BRINP3: variants seen among roughly 807,000 people sequenced by gnomAD.
BRINP3 encodes the protein BMP/retinoic acid-inducible neural-specific protein 3.
In BRINP3, 19 loss-of-function variants were observed where a neutral mutation model predicts 71.0. The ratio of observed to expected loss-of-function variants is 0.27; its 90% CI spans 0.19 to 0.39. The LOEUF is 0.39. BRINP3 is among the 10% of genes least tolerant of loss of function. The probability of loss-of-function intolerance (pLI) is 1.00; values close to 1 mark genes in which losing one functional copy is unlikely to be tolerated. For missense variants in BRINP3, 959 were observed against 940.8 expected (o/e 1.02, Z -0.25); for synonymous variants, 380 against 337.7 (o/e 1.13, Z -1.37).
intron 2 of BRINP3, among the ~76,000 whole-genome samples, chr1:190,346,258 T>G (rs1668015992): frequency 6.6e-6 from 1 of 151,890 alleles, no homozygotes; most frequent in Non-Finnish European, 1.5e-5. Flanking sequence ...CCAAAATATA[T>G]AATCAAAAAA....
chr1:190,271,346 G>A (rs183392946), intron 3 of BRINP3, among the ~76,000 whole-genome samples: 19 of 151,700 alleles, frequency 1.3e-4, no homozygotes, highest in Non-Finnish European at 1.9e-4. Context: ...TTAGGACTCA[G>A]TTTCCTTTTA....
At chr1:190,147,715 T>C (rs895201782) in intron 7 of BRINP3, among the ~76,000 whole-genome samples, 9 of 152,234 alleles carry the variant, frequency 5.9e-5, no homozygotes, top group African/African-American at 2.2e-4. Flanking sequence ...TCAGTTTCCC[T>C]CTCATGGTTA....
chr1:190,284,767 A>T (rs1305535832), intron 2 of BRINP3, among the ~76,000 whole-genome samples: 1 of 152,078 alleles, frequency 6.6e-6, no homozygotes, highest in Non-Finnish European at 1.5e-5. Context: ...TGTCATGCAA[A>T]AAACAAAAAG....
At chr1:190,474,393 A>G (rs1303143134) in intron 1 of BRINP3, 2 of 152,666 alleles carry the variant, frequency 1.3e-5, no homozygotes, top group Admixed American at 6.5e-5. Context: ...TCAAGAAAAT[A>G]CATTCATTCC....
At chr1:190,150,507 C>A (rs1656297148) in intron 7 of BRINP3, among the ~76,000 whole-genome samples, 1 of 152,132 alleles carries the variant, frequency 6.6e-6, no homozygotes, top group African/African-American at 2.4e-5. Context: ...CTGCATTGAG[C>A]AAGTTTGATT....
At chr1:190,137,025 T>A (rs1655029291) in intron 7 of BRINP3, among the ~76,000 whole-genome samples, 1 of 152,142 alleles carries the variant, frequency 6.6e-6, no homozygotes, top group Non-Finnish European at 1.5e-5. Flanking sequence ...TGAGTAGGTA[T>A]CACTGTTCCC....
intron 5 of BRINP3, among the ~76,000 whole-genome samples, chr1:190,232,288 A>G (rs755694924): frequency 6.6e-6 from 1 of 152,038 alleles, no homozygotes; most frequent in Non-Finnish European, 1.5e-5. Flanking sequence ...ATACCCTTCA[A>G]AGGAATGCAC....
intron 5 of BRINP3, among the ~76,000 whole-genome samples, chr1:190,231,095 C>T (rs1020094595): frequency 2.0e-5 from 3 of 151,520 alleles, no homozygotes; most frequent in African/African-American, 7.3e-5. Flanking sequence ...TAGAAGTACA[C>T]TTATTATAAG....
chr1:190,281,793 C>T, intron 2 of BRINP3, 43 bp from the exon 3 acceptor site: 1 of 1,558,968 alleles, frequency 6.4e-7, no homozygotes, highest in African/African-American at 1.4e-5. Flanking sequence ...CATAATCTAT[C>T]TGAATGTTTT....
At chr1:190,349,001 T>G (rs537486575) in intron 2 of BRINP3, among the ~76,000 whole-genome samples, 1 of 152,288 alleles carries the variant, frequency 6.6e-6, no homozygotes, top group East Asian at 1.9e-4. Flanking sequence ...TATGAGGAAC[T>G]TATACATTGA....
chr1:190,334,143 C>G (rs982101915), intron 2 of BRINP3, among the ~76,000 whole-genome samples: 8 of 151,694 alleles, frequency 5.3e-5, no homozygotes, highest in Non-Finnish European at 7.4e-5. Flanking sequence ...ATGAAAATTT[C>G]AGGTTAAGTT....
intron 1 of BRINP3, among the ~76,000 whole-genome samples, 189 bp from the exon 2 acceptor site, chr1:190,455,129 T>C (rs1675901552): frequency 6.6e-6 from 1 of 152,206 alleles, no homozygotes; most frequent in South Asian, 2.1e-4. Flanking sequence ...TGTTCCTTTT[T>C]TATATTAATG....
intron 6 of BRINP3, among the ~76,000 whole-genome samples, chr1:190,208,340 T>C (rs533811277): frequency 7.1e-4 from 108 of 152,090 alleles, no homozygotes; most frequent in African/African-American, 2.4e-3. Context: ...AATGATAACC[T>C]CTGGATCAGA....
intron 6 of BRINP3, among the ~76,000 whole-genome samples, chr1:190,213,817 G>C (rs1328863849): frequency 6.6e-6 from 1 of 152,012 alleles, no homozygotes; most frequent in Admixed American, 6.6e-5. Flanking sequence ...ACATATTTAG[G>C]AAAGACTGTG....
At chr1:190,146,471 A>G (rs1456454460) in intron 7 of BRINP3, among the ~76,000 whole-genome samples, 1 of 152,168 alleles carries the variant, frequency 6.6e-6, no homozygotes, top group African/African-American at 2.4e-5. Context: ...GTATAGTTAT[A>G]TAAATATTCA....
At chr1:190,446,039 G>A (rs1675198612) in intron 2 of BRINP3, among the ~76,000 whole-genome samples, 1 of 151,854 alleles carries the variant, frequency 6.6e-6, no homozygotes, top group Non-Finnish European at 1.5e-5. Context: ...TTAATTTATA[G>A]TAACGATTAT....
At chr1:190,332,499 C>T (rs768421026) in intron 2 of BRINP3, among the ~76,000 whole-genome samples, 1 of 152,020 alleles carries the variant, frequency 6.6e-6, no homozygotes, top group Non-Finnish European at 1.5e-5. Flanking sequence ...TTTCCAGGGT[C>T]TTCTCCTCAG....
intron 2 of BRINP3, among the ~76,000 whole-genome samples, chr1:190,444,994 C>T (rs1051203007): frequency 6.6e-6 from 1 of 151,988 alleles, no homozygotes; most frequent in African/African-American, 2.4e-5. Context: ...GTAAGAGAAG[C>T]AAGTTCATGA....
intron 6 of BRINP3, among the ~76,000 whole-genome samples, chr1:190,213,148 T>C (rs1029725899): frequency 6.6e-6 from 1 of 151,996 alleles, no homozygotes; most frequent in Admixed American, 6.6e-5. Flanking sequence ...TAATACTGTA[T>C]ACCCAACACA....
Sources: allele counts gnomAD v4.1 joint callset (sites outside exome capture counted in the v4.1 genomes callset), GRCh38; gene constraint gnomAD v4.1.1; transcripts MANE v1.5; gene names NCBI Gene and HGNC (gene_info 2026-07-23, HGNC 2026-07-21).